Variants in MYO3B observed in about 807,000 individuals in gnomAD.
The protein encoded by MYO3B is myosin-IIIb.
In MYO3B, 156 loss-of-function variants were observed where a neutral mutation model predicts 174.6. That is an observed-to-expected ratio of 0.89 (90% confidence interval 0.78 to 1.02). The LOEUF is 1.02. MYO3B is among the 50% of genes least tolerant of loss of function. The pLI, the probability that MYO3B is intolerant of heterozygous loss-of-function variation, is 0.00. For synonymous variants in MYO3B, 563 were observed against 569.1 expected, an observed-to-expected ratio of 0.99 and a Z score of 0.15; for missense variants, 1,632 against 1,639.4, an observed-to-expected ratio of 1.00 and a Z score of 0.08.
intron 22 of MYO3B, among the ~76,000 whole-genome samples, chr2:170,438,733 C>G (rs2094775815): frequency 6.6e-6 from 1 of 152,016 alleles, no homozygotes; most frequent in South Asian, 2.1e-4. Context: ...CTCCCAAGTT[C>G]AAATGCTTCT....
intron 32 of MYO3B, among the ~76,000 whole-genome samples, chr2:170,544,690 G>A (rs543032568): frequency 1.6e-4 from 25 of 152,064 alleles, no homozygotes; most frequent in Admixed American, 4.6e-4. Flanking sequence ...CCTGTTTTTC[G>A]GTGACAAAGT....
chr2:170,308,051 T>A (rs934961845), intron 7 of MYO3B, among the ~76,000 whole-genome samples: 2 of 152,174 alleles, frequency 1.3e-5, no homozygotes, highest in African/African-American at 4.8e-5. Flanking sequence ...TGTCCCCACA[T>A]CTAGCCTGCT....
intron 3 of MYO3B, among the ~76,000 whole-genome samples, chr2:170,213,337 G>A (rs1222405282): frequency 6.6e-6 from 1 of 152,196 alleles, no homozygotes; most frequent in African/African-American, 2.4e-5. Context: ...GGGGGTCCGC[G>A]TGAGAGAGTC....
chr2:170,650,364 C>T (rs1230637577), intron 32 of MYO3B, among the ~76,000 whole-genome samples: 1 of 152,094 alleles, frequency 6.6e-6, no homozygotes, highest in Non-Finnish European at 1.5e-5. Flanking sequence ...TGCTAAGTCA[C>T]TCTCTACTTT....
intron 7 of MYO3B, among the ~76,000 whole-genome samples, chr2:170,260,797 G>A (rs1333266699): frequency 6.6e-6 from 1 of 152,174 alleles, no homozygotes; most frequent in African/African-American, 2.4e-5. Flanking sequence ...TGGGACCTGG[G>A]GTGCTGGCAA....
At chr2:170,210,824 T>A (rs1368507231) in intron 3 of MYO3B, among the ~76,000 whole-genome samples, 1 of 152,190 alleles carries the variant, frequency 6.6e-6, no homozygotes, top group African/African-American at 2.4e-5. Flanking sequence ...TTAAAAAAAA[T>A]TTGATCCAAG....
intron 22 of MYO3B, among the ~76,000 whole-genome samples, chr2:170,408,222 G>T (rs973597025): frequency 2.0e-5 from 3 of 152,136 alleles, no homozygotes; most frequent in Non-Finnish European, 4.4e-5. Context: ...TTCTACTTGT[G>T]TGTCATTCCA....
chr2:170,209,350 A>G (rs2092747280), intron 3 of MYO3B, among the ~76,000 whole-genome samples: 1 of 152,228 alleles, frequency 6.6e-6, no homozygotes, highest in African/African-American at 2.4e-5. Context: ...AATAGTTCAA[A>G]ATAAGTTTCC....
At chr2:170,649,216 ATATAT>A (rs1374370726) in intron 32 of MYO3B, among the ~76,000 whole-genome samples, 5 of 20,928 alleles carry the variant, frequency 2.4e-4, no homozygotes, top group East Asian at 8.4e-4. Flanking sequence ...ATAATATATA[ATATAT>A]TATATATAAA....
At chr2:170,201,200 T>C (rs1217354333) in intron 3 of MYO3B, among the ~76,000 whole-genome samples, 1 of 152,214 alleles carries the variant, frequency 6.6e-6, no homozygotes. Flanking sequence ...ACAAATACGA[T>C]TCCCTATGAG....
chr2:170,382,793 T>C (rs1222979323), intron 10 of MYO3B: 1 of 256,644 alleles, frequency 3.9e-6, no homozygotes, highest in Non-Finnish European at 7.4e-6. Context: ...TGAGTTTTTT[T>C]TTCACAATAA....
rs574730993 is a variant in MYO3B at position 170,555,202 on chromosome 2, CCT to C, written c.3733+11215_3733+11216del. Among the ~76,000 whole-genome samples, 18 of 152,200 alleles carry C rather than the reference CCT, an allele frequency of 1.2e-4. No homozygotes were observed. The East Asian group carries it at 2.7e-3, about 23-fold the overall frequency. ...ATACCCTTTCTCCTCTCCTTTTCTC[CCT>C]GTTTCTTCTATAATTAACATCTTGT... On this transcript the variant is annotated intron_variant, in intron 32 of 34. Transcript: ENST00000408978.
intron 3 of MYO3B, among the ~76,000 whole-genome samples, chr2:170,209,534 A>G (rs2092749331): frequency 6.6e-6 from 1 of 152,210 alleles, no homozygotes; most frequent in Non-Finnish European, 1.5e-5. Flanking sequence ...CACAATCTCC[A>G]AAGTTATCAG....
rs192555220 is a variant in MYO3B at position 170,381,278 on chromosome 2, T to C, written c.972-738T>C. Among the ~76,000 whole-genome samples, 579 of 152,292 alleles carry C rather than the reference T, an allele frequency of 3.8e-3. 6 individuals are homozygous for C. Among genetic ancestry groups the C allele is most frequent in the African/African-American group, 0.013 (558 of 41,560 alleles). On this transcript the variant is annotated intron_variant, in intron 9 of 34. Transcript: ENST00000408978. ...TAAGTGGGTAAGGTAGATAGGTAGA[T>C]AGATAGATAAATAGAGTTTAAAAAT...
chr2:170,518,928 GT>G (rs1688487726), intron 29 of MYO3B, among the ~76,000 whole-genome samples: 1 of 152,186 alleles, frequency 6.6e-6, no homozygotes, highest in Non-Finnish European at 1.5e-5. Context: ...TACCCTCATT[GT>G]TGAGAAACTC....
chr2:170,489,091 GGAAGGTTT>G (rs1686260937), intron 25 of MYO3B, among the ~76,000 whole-genome samples: 1 of 152,214 alleles, frequency 6.6e-6, no homozygotes, highest in Non-Finnish European at 1.5e-5. Context: ...GGAAGAGCTA[GGAAGGTTT>G]GATAAGTGTA....
intron 31 of MYO3B, 61 bp downstream of exon 31, chr2:170,543,027 C>T (rs1023173131): frequency 7.3e-7 from 1 of 1,372,010 alleles, no homozygotes; most frequent in Non-Finnish European, 1.0e-6. Flanking sequence ...CATCCAAGTT[C>T]ATAGGCATGA....
At chr2:170,447,497 GA>G (rs1683292071) in intron 23 of MYO3B, among the ~76,000 whole-genome samples, 2 of 152,204 alleles carry the variant, frequency 1.3e-5, no homozygotes, top group Admixed American at 1.3e-4. Context: ...CCAAAATCTA[GA>G]TGGTTTATGG....
At position 170,386,190 on chromosome 2, in the gene MYO3B, G is replaced by A; in HGVS notation, c.1292G>A (p.Cys431Tyr). The A allele has an allele frequency of 6.2e-7, 1 of 1,613,162 alleles. No homozygotes were observed. The highest frequency in any genetic ancestry group is 8.5e-7 in the Non-Finnish European group (1 of 1,179,398). Reference sequence around the variant, plus strand: ...TTGACGCTCCATTTTCTGTGCCAGTGCATTGTCATCAGCGGAGAGAGTGGC... The same window carrying A: ...TTGACGCTCCATTTTCTGTGCCAGTACATTGTCATCAGCGGAGAGAGTGGC... ...QCMVTLSKDQCIVISGESGSG... is the reference protein window; with the variant it reads ...QCMVTLSKDQYIVISGESGSG... The change falls in exon 13 of 35, where the codon TGC becomes TAC. Residue 431 changes from cysteine (C) to tyrosine (Y), a missense_variant and splice_region_variant. By Grantham distance (194) the Cys-to-Tyr change is radical. Transcript: ENST00000408978.
Sources: gnomAD v4.1 joint callset for allele counts (sites outside exome capture counted in the v4.1 genomes callset) on GRCh38, gnomAD v4.1.1 for gene constraint, MANE v1.5 for transcripts, NCBI Gene and HGNC (gene_info 2026-07-23, HGNC 2026-07-21) for gene names.